Variants in ACAD10 observed in about 807,000 individuals in gnomAD.
ACAD10 encodes ACAD-10.
In ACAD10, 112 loss-of-function variants were observed where a neutral mutation model predicts 116.8. The ratio of observed to expected loss-of-function variants is 0.96; its 90% CI spans 0.82 to 1.12. ACAD10 has a LOEUF of 1.12. Among genes scored for constraint, ACAD10 ranks in the 50% most tolerant of loss-of-function variants. The probability of loss-of-function intolerance (pLI) is 0.00; values close to 1 mark genes in which losing one functional copy is unlikely to be tolerated. For missense variants in ACAD10, 1,259 were observed against 1,350.2 expected, an observed-to-expected ratio of 0.93 and a Z score of 1.06; for synonymous variants, 486 against 510.6, an observed-to-expected ratio of 0.95 and a Z score of 0.65.
intron 10 of ACAD10, among the ~76,000 whole-genome samples, chr12:111,732,036 G>T (rs1012622715): frequency 3.4e-4 from 51 of 152,046 alleles, no homozygotes; most frequent in Non-Finnish European, 7.4e-4. Context: ...AGCCAAGACC[G>T]CACCACTGCA....
intron 6 of ACAD10, among the ~76,000 whole-genome samples, chr12:111,714,486 G>A (rs1204150132): frequency 6.6e-6 from 1 of 151,198 alleles, no homozygotes; most frequent in African/African-American, 2.4e-5. Flanking sequence ...TCAACATGGC[G>A]AAACTCCATC....
intron 8 of ACAD10, among the ~76,000 whole-genome samples, chr12:111,723,103 G>A (rs1209849162): frequency 8.5e-5 from 12 of 141,378 alleles, no homozygotes; most frequent in Non-Finnish European, 1.7e-4. Context: ...GGGCAGAGGC[G>A]CCCCTCACCT....
chr12:111,741,409 G>A (rs1889737725), intron 12 of ACAD10, among the ~76,000 whole-genome samples: 1 of 152,136 alleles, frequency 6.6e-6, no homozygotes, highest in African/African-American at 2.4e-5. Flanking sequence ...TTAATAGACT[G>A]CCCATTTTAG....
rs550113491 is a variant in ACAD10, at chr12:111,719,105, A to G, written c.993-2566A>G. On this transcript the variant is annotated intron_variant, in intron 7 of 20. Transcript: ENST00000313698. ...CATGGCACTCCAGCCTGGGCAACAT[A>G]ATGAGACTCTGTCTCAAAAAAAAAA... is the stretch of plus-strand genomic sequence containing the variant. Among the ~76,000 whole-genome samples the G allele has an allele frequency of 1.9e-3, 289 of 152,152 alleles. 6 individuals carry two copies. Among genetic ancestry groups the G allele is most frequent in the Non-Finnish European group, 1.3e-3 (86 of 67,978 alleles).
At chr12:111,743,422 C>T (rs59905228) in intron 12 of ACAD10, among the ~76,000 whole-genome samples, 27,417 of 150,864 alleles carry the variant, frequency 0.18, 2,609 homozygotes, top group East Asian at 0.28. Context: ...AGGCAACCTC[C>T]GCCTCTCGGG....
At chr12:111,753,729 C>T (rs1311829229) in intron 18 of ACAD10, 43 bp from the exon 19 acceptor site, 1 of 1,613,484 alleles carries the variant, frequency 6.2e-7, no homozygotes, top group Non-Finnish European at 8.5e-7. Flanking sequence ...GTGGCCACCC[C>T]CAGCCCAGCA....
At chr12:111,706,984 G>A (rs1888529910) in intron 4 of ACAD10, among the ~76,000 whole-genome samples, 1 of 150,096 alleles carries the variant, frequency 6.7e-6, no homozygotes. Flanking sequence ...CACCATGTTG[G>A]CCAGGCTAGT....
intron 13 of ACAD10, among the ~76,000 whole-genome samples, chr12:111,745,877 T>C (rs980157887): frequency 1.3e-5 from 2 of 148,920 alleles, no homozygotes; most frequent in African/African-American, 5.0e-5. Flanking sequence ...GGTCTCGCTT[T>C]GTCACCCAGG....
chr12:111,743,363 T>C (rs1346098303), intron 12 of ACAD10, among the ~76,000 whole-genome samples: 1 of 150,910 alleles, frequency 6.6e-6, no homozygotes, highest in African/African-American at 2.4e-5. Context: ...ATGATGGAAA[T>C]ATTCTGTTTT....
Position 111,715,877 on chromosome 12 carries a change from A to G in ACAD10, c.907A>G (p.Arg303Gly). 6.2e-7 allele frequency: 1 copy of G among 1,614,144 alleles called. No homozygotes were observed. The highest frequency in any genetic ancestry group is 1.1e-5 in the South Asian group (1 of 91,086). Reference sequence around the variant, plus strand: ...GCAGTCAAATCCAACTTACTACATCAGGCTGGCTAATCGTGATCTAGTTCT... The same window carrying G: ...GCAGTCAAATCCAACTTACTACATCGGGCTGGCTAATCGTGATCTAGTTCT... ...HGQSNPTYYI[R>G]LANRDLVLRK... is the part of the protein sequence containing the mutation. Residue 303 changes from arginine to glycine, a missense_variant, in exon 7 of 21, where the codon AGG (arginine) becomes GGG (glycine). Physicochemically the swap from Arg to Gly is moderately radical, Grantham distance 125. Coordinates refer to ENST00000313698, the MANE Select transcript of ACAD10 (RefSeq NM_025247.6).
intron 1 of ACAD10, 72 bp from the exon 2 acceptor site, chr12:111,692,625 T>C: frequency 6.7e-7 from 1 of 1,495,614 alleles, no homozygotes; most frequent in Non-Finnish European, 9.1e-7. Flanking sequence ...CTGGCCCCTC[T>C]GAGCTCCAGG....
chr12:111,736,952 C>G lies in ACAD10; in HGVS notation c.1662C>G (p.Ser554=), dbSNP rs1482496557. 1.2e-6 allele frequency: 2 copies of G among 1,613,940 alleles called. No homozygotes were observed. The highest frequency in any genetic ancestry group is 1.3e-5 in the African/African-American group (1 of 74,954). Reference sequence around the variant, plus strand: ...ACTGGAACTTCTATATGGCTTTTTCCTTTTTCCGTGTGGCTGCAATCCTAC... The same window carrying G: ...ACTGGAACTTCTATATGGCTTTTTCGTTTTTCCGTGTGGCTGCAATCCTAC... ...TENWNFYMAF[S]FFRVAAILQG... The change falls in exon 12 of 21, where the codon TCC becomes TCG. Residue 554 remains serine, a synonymous_variant. Transcript: ENST00000313698.
chr12:111,729,873 C>T lies in ACAD10; in HGVS notation c.1311C>T (p.Ile437=). The change falls in exon 10 of 21, where the codon ATC becomes ATT. Residue 437 remains isoleucine (I), a synonymous_variant. Transcript: ENST00000313698. Reference sequence around the variant, plus strand: ...ATCGAGCTTCCGAAACTAGCACCATCCCAGCCATGGAGAGGCTGATCGAAT... The same window carrying T: ...ATCGAGCTTCCGAAACTAGCACCATTCCAGCCATGGAGAGGCTGATCGAAT... ...KQYRASETST[I]PAMERLIEWL... is the part of the protein sequence containing the mutation. 1 of 1,614,176 alleles carries T rather than the reference C, an allele frequency of 6.2e-7. No individual in the cohort carries two copies. The highest frequency in any genetic ancestry group is 8.5e-7 in the Non-Finnish European group (1 of 1,180,040).
intron 10 of ACAD10, among the ~76,000 whole-genome samples, chr12:111,730,356 G>A (rs1252676838): frequency 2.6e-5 from 4 of 152,102 alleles, no homozygotes; most frequent in East Asian, 1.9e-4. Context: ...GAACAGGCCC[G>A]ATCTCATCTG....
At chr12:111,725,029 A>G (rs191133171) in intron 8 of ACAD10, among the ~76,000 whole-genome samples, 2 of 152,342 alleles carry the variant, frequency 1.3e-5, no homozygotes, top group Admixed American at 1.3e-4. Flanking sequence ...GAAAGAAGAA[A>G]AACTAATACA....
At chr12:111,746,834 CA>C (rs1889915511) in intron 14 of ACAD10, among the ~76,000 whole-genome samples, 1 of 151,922 alleles carries the variant, frequency 6.6e-6, no homozygotes, top group Non-Finnish European at 1.5e-5. Flanking sequence ...TCTGTATGTA[CA>C]AAAAAATAAA....
At chr12:111,735,090 G>C (rs1218609493) in intron 11 of ACAD10, among the ~76,000 whole-genome samples, 1 of 151,948 alleles carries the variant, frequency 6.6e-6, no homozygotes, top group African/African-American at 2.4e-5. Flanking sequence ...TGGGCGTGGT[G>C]GTGGGCACCT....
In ACAD10 at chr12:111,749,253, A is replaced by T; in HGVS notation, c.2725A>T (p.Ile909Phe). Residue 909 changes from isoleucine (I) to phenylalanine (F), a missense_variant, in exon 18 of 21, where the codon ATC becomes TTC. By Grantham distance (21) the Ile-to-Phe change is conservative. Coordinates refer to ENST00000313698, the MANE Select transcript of ACAD10 (RefSeq NM_025247.6). ...MVLGPGRGFE[I>F]AQGRLGPGRI... ...CCTGGGCCCTGGCCGAGGCTTTGAG[A>T]TCGCCCAGGGCAGACTGGGCCCCGG... 6.2e-7 allele frequency: 1 copy of T among 1,614,040 alleles called. No individual in the cohort carries two copies.
chr12:111,755,153 A>G (rs76430975), intron 19 of ACAD10, among the ~76,000 whole-genome samples: 1 of 152,108 alleles, frequency 6.6e-6, no homozygotes, highest in Non-Finnish European at 1.5e-5. Context: ...CCCAGGCTGG[A>G]GTAGAGTGGC....
Sources: allele counts gnomAD v4.1 joint callset (sites outside exome capture counted in the v4.1 genomes callset), GRCh38; gene constraint gnomAD v4.1.1; transcripts MANE v1.5; gene names NCBI Gene and HGNC (gene_info 2026-07-23, HGNC 2026-07-21).